Variants in FBXL6 observed in about 807,000 individuals in gnomAD.
FBXL6 encodes F-box/LRR-repeat protein 6.
FBXL6 carries 50 observed loss-of-function variants against 53.3 expected under a neutral mutation model. The ratio of observed to expected loss-of-function variants is 0.94; its 90% confidence interval spans 0.75 to 1.19. The LOEUF is 1.19. Among genes scored for constraint, FBXL6 ranks in the 50% most tolerant of loss-of-function variants. The pLI, the probability that FBXL6 is intolerant of heterozygous loss-of-function variation, is 0.00. For missense variants in FBXL6, 815 were observed against 719.0 expected (o/e 1.13, Z -1.53); for synonymous variants, 405 against 322.9 (o/e 1.25, Z -2.73).
Position 144,356,607 on chromosome 8 carries a change from T to G in FBXL6, c.986A>C (p.Gln329Pro), listed in dbSNP as rs782317106. 4 of 1,612,836 alleles carry G rather than the reference T, an allele frequency of 2.5e-6. No individual in the cohort carries two copies. The East Asian group carries it at 8.9e-5, about 36-fold the overall frequency. The part of the protein sequence containing the change: ...PVEALQKGCP[Q>P]LQVLRLLNLM... ...AGGCAGGGCGCCAGGTACCTGGAGC[T>G]GAGGGCAGCCTTTCTGCAGAGCCTC... is the stretch of plus-strand genomic sequence containing the variant. The change falls in exon 6 of 9, where the codon CAG (glutamine) becomes CCG (proline). Residue 329 changes from glutamine (Q) to proline (P), a missense_variant. Gln to Pro is a moderately conservative substitution (Grantham distance 76). Transcript: ENST00000331890.
In FBXL6 at chr8:144,355,662, A is replaced by C; in HGVS notation, c.1489T>G (p.Cys497Gly). ...AGGTTGAGGTAGAGCAGGCCCGGGC[A>C]GCCGCTGATCACAGAGCTGTGGGGA... The part of the protein sequence containing the change: ...PSTVSSVISG[C>G]PGLLYLNLES... The change falls in exon 9 of 9, where the codon TGC becomes GGC. Residue 497 changes from cysteine (C) to glycine (G), a missense_variant. Coordinates refer to ENST00000331890, the MANE Select transcript of FBXL6 (RefSeq NM_012162.4). 6.2e-7 allele frequency: 1 copy of C among 1,610,914 alleles called. No individual in the cohort carries two copies.
Position 144,357,420 on chromosome 8 carries a change from G to T in FBXL6, c.639+19C>A. ...CCAGAGTGTCACAGCTGATGTGCAG[G>T]ACAGCCTGGAGCTCTCACCTTCAAC... On this transcript the variant is annotated intron_variant, in intron 3 of 8. Coordinates refer to ENST00000331890, the MANE Select transcript of FBXL6 (RefSeq NM_012162.4). 27 of 1,608,156 alleles carry T rather than the reference G, an allele frequency of 1.7e-5. No homozygotes were observed. The highest frequency in any genetic ancestry group is 2.3e-5 in the Non-Finnish European group (27 of 1,177,338).
intron 1 of FBXL6, 31 bp downstream of exon 1, chr8:144,358,001 C>A: frequency 6.4e-7 from 1 of 1,570,122 alleles, no homozygotes; most frequent in South Asian, 1.1e-5. Flanking sequence ...CAAGCCGCTA[C>A]GCTCGGCGGC....
Position 144,355,541 on chromosome 8 carries a change from G to T in FBXL6, c.1610C>A (p.Ser537Ter), listed in dbSNP as rs373278742. The change falls in exon 9 of 9, where the codon TCA becomes TAA. Residue 537 changes from serine (S) to a stop codon, truncating the protein, a stop_gained. Coordinates refer to ENST00000331890, the MANE Select transcript of FBXL6 (RefSeq NM_012162.4). LOFTEE classifies it high-confidence loss of function. ...CAGGTCTGTGGCTGCCTAGCTGGGTGAGGGGCTGGTGAGCAGCTGCTCCAG... is the reference window on the plus strand; with the variant it reads ...CAGGTCTGTGGCTGCCTAGCTGGGTTAGGGGCTGGTGAGCAGCTGCTCCAG... ...WCLEQLLTSP[S>*]PS is the part of the protein sequence containing the mutation. 80 of 1,609,548 alleles carry T rather than the reference G, an allele frequency of 5.0e-5. No individual in the cohort carries two copies. The African/African-American group carries it at 8.9e-4, about 18-fold the overall frequency.
chr8:144,357,294 A>C, intron 3 of FBXL6, 145 bp downstream of exon 3: 2 of 1,249,328 alleles, frequency 1.6e-6, no homozygotes, highest in Non-Finnish European at 2.2e-6. Context: ...CTGCTGGAGG[A>C]AACAGCAGGA....
chr8:144,356,749 C>T (rs144139611), intron 5 of FBXL6, 36 bp from the exon 6 acceptor site: 1 of 1,611,282 alleles, frequency 6.2e-7, no homozygotes, highest in Non-Finnish European at 8.5e-7. Flanking sequence ...GTCACAGGGT[C>T]AGTGGCCTGG....
At position 144,356,622 on chromosome 8, in the gene FBXL6, T is replaced by C. The variant is rs1426660310; in HGVS notation, c.971A>G (p.Gln324Arg). The part of the protein sequence containing the change: ...IPLQLPVEAL[Q>R]KGCPQLQVLR... ...TACCTGGAGCTGAGGGCAGCCTTTCTGCAGAGCCTCGACAGGCAGCTGAAG... is the reference window on the plus strand; with the variant it reads ...TACCTGGAGCTGAGGGCAGCCTTTCCGCAGAGCCTCGACAGGCAGCTGAAG... The change falls in exon 6 of 9, where the codon CAG (glutamine) becomes CGG (arginine). Residue 324 changes from glutamine to arginine, a missense_variant. Physicochemically the swap from Gln to Arg is conservative, Grantham distance 43 (BLOSUM62 1). Transcript: ENST00000331890. 2 of 1,612,828 alleles carry C rather than the reference T, an allele frequency of 1.2e-6. No homozygotes were observed. The highest frequency in any genetic ancestry group is 1.7e-6 in the Non-Finnish European group (2 of 1,179,976).
At chr8:144,356,561 G>A (rs1554852840) in intron 6 of FBXL6, 30 bp from the exon 7 acceptor site, 5 of 1,612,770 alleles carry the variant, frequency 3.1e-6, no homozygotes, top group South Asian at 1.1e-5. Context: ...TGTAGATGGG[G>A]GAGGGTGTGA....
chr8:144,358,029 T>C lies in FBXL6; in HGVS notation c.416+3A>G. On this transcript the variant is annotated splice_donor_region_variant and intron_variant, in intron 1 of 8. Coordinates refer to ENST00000331890, the MANE Select transcript of FBXL6 (RefSeq NM_012162.4). ...TCGGCGGCGGGCCCGGCACCAGCGTTACCTGCCCAGGAAGGGCATGGGGCC... is the reference window on the plus strand; with the variant it reads ...TCGGCGGCGGGCCCGGCACCAGCGTCACCTGCCCAGGAAGGGCATGGGGCC... The C allele has an allele frequency of 6.3e-7, 1 of 1,590,934 alleles. No homozygotes were observed. Among genetic ancestry groups the C allele is most frequent in the Non-Finnish European group, 8.5e-7 (1 of 1,174,054 alleles).
At position 144,356,559 on chromosome 8, in the gene FBXL6, G is replaced by A. The variant is rs374107270; in HGVS notation, c.994-28C>T. ...GGGGGCAAGGTCCAGGCTGTAGATGGGGGAGGGTGTGACAGGTGGGAGAGG... is the reference window on the plus strand; with the variant it reads ...GGGGGCAAGGTCCAGGCTGTAGATGAGGGAGGGTGTGACAGGTGGGAGAGG... On this transcript the variant is annotated intron_variant, in intron 6 of 8. Transcript: ENST00000331890. 1.8e-4 allele frequency: 283 copies of A among 1,612,692 alleles called. 6 individuals carry two copies. In the South Asian group the frequency reaches 3.0e-3, roughly 17 times the overall value.
At chr8:144,355,734 A>C in intron 8 of FBXL6, 56 bp from the exon 9 acceptor site, 1 of 1,592,760 alleles carries the variant, frequency 6.3e-7, no homozygotes, top group East Asian at 2.3e-5. Flanking sequence ...GGGCTGGGCC[A>C]GGCTAGGGAG....
rs1301671749 is a variant in FBXL6 at position 144,355,441 on chromosome 8, GTTTTA to G, written c.*85_*89del. ...CCACACACACAGAACTCCTAAAAAT[GTTTTA>G]TTTTAACAAAATGCTCAAATATCTG... is the stretch of plus-strand genomic sequence containing the variant. On this transcript the variant is annotated 3_prime_UTR_variant, in exon 9 of 9. Coordinates refer to ENST00000331890, the MANE Select transcript of FBXL6 (RefSeq NM_012162.4). 1.9e-5 allele frequency: 30 copies of G among 1,551,562 alleles called. No homozygotes were observed. The highest frequency in any genetic ancestry group is 4.5e-5 in the East Asian group (2 of 44,198).
In FBXL6 at chr8:144,356,089, C is replaced by T. The variant is rs142643719; in HGVS notation, c.1351G>A (p.Gly451Arg). 23 of 1,612,994 alleles carry T rather than the reference C, an allele frequency of 1.4e-5. No homozygotes were observed. In the African/African-American group the frequency reaches 2.7e-4, roughly 19 times the overall value. ...TGCTCCAGGTCCTTCTCACTGAACC[C>T]CTGGCCACTCAAGTCCAGTTCTCGC... is the stretch of plus-strand genomic sequence containing the variant. ...TLRELDLSGQ[G>R]FSEKDLEQAL... The change falls in exon 8 of 9, where the codon GGG becomes AGG. Residue 451 changes from glycine (G) to arginine (R), a missense_variant. Transcript: ENST00000331890.
chr8:144,357,932 C>T, intron 1 of FBXL6, 100 bp downstream of exon 1: 1 of 1,450,760 alleles, frequency 6.9e-7, no homozygotes, highest in East Asian at 2.6e-5. Context: ...GAGCGGTGCG[C>T]GCTCCGATGC....
At position 144,356,365 on chromosome 8, in the gene FBXL6, CGCA is replaced by C; in HGVS notation, c.1157_1159del (p.Leu386del). ...CGCACAGCCACGAAGATCCAGTAAG[CGCA>C]GGTTGGGAGAGCCGTGGAGTAGGCG... On this transcript the variant is annotated inframe_deletion, in exon 7 of 9. Coordinates refer to ENST00000331890, the MANE Select transcript of FBXL6 (RefSeq NM_012162.4). 1 of 1,605,682 alleles carries C rather than the reference CGCA, an allele frequency of 6.2e-7. No homozygotes were observed. Among genetic ancestry groups the C allele is most frequent in the South Asian group, 1.1e-5 (1 of 91,058 alleles).
Position 144,356,219 on chromosome 8 carries a change from A to G in FBXL6, c.1226-5T>C, listed in dbSNP as rs202069246. 3 of 1,256,498 alleles carry G rather than the reference A, an allele frequency of 2.4e-6. No individual in the cohort carries two copies. The African/African-American group carries it at 7.0e-5, about 29-fold the overall frequency. The allele number at this position is 1,256,498 out of a possible 1,614,324, so 77.8% of individuals were successfully genotyped here. On this transcript the variant is annotated splice_region_variant and splice_polypyrimidine_tract_variant and intron_variant, in intron 7 of 8. Transcript: ENST00000331890. The stretch of plus-strand genomic sequence containing the variant: ...CCAGATGAAGCTGCTCCAGCTCTGC[A>G]GTGAAAGGAGTGAGCATAAGCTACA...
rs782203551 is a variant in FBXL6, at chr8:144,356,543, G to T, written c.994-12C>A. 1 of 1,612,792 alleles carries T rather than the reference G, an allele frequency of 6.2e-7. No homozygotes were observed. The highest frequency in any genetic ancestry group is 1.3e-5 in the African/African-American group (1 of 74,942). ...AACAGCCGCAGCACCTGGGGGCAAG[G>T]TCCAGGCTGTAGATGGGGGAGGGTG... On this transcript the variant is annotated splice_polypyrimidine_tract_variant and intron_variant, in intron 6 of 8. Coordinates refer to ENST00000331890, the MANE Select transcript of FBXL6 (RefSeq NM_012162.4).
rs782526062 is a variant in FBXL6 at position 144,357,102 on chromosome 8, G to A, written c.659C>T (p.Pro220Leu). The change falls in exon 4 of 9, where the codon CCT becomes CTT. Residue 220 changes from proline (P) to leucine (L), a missense_variant. By Grantham distance (98) the Pro-to-Leu change is moderately conservative. Transcript: ENST00000331890. ...GGAGAGCTTGAGGAAAGTGAGCCGA[G>A]GACAGCACTCACCTACCAGCTGCGG... is the stretch of plus-strand genomic sequence containing the variant. ...PVLKLVGECC[P>L]RLTFLKLSGC... The A allele has an allele frequency of 5.6e-6, 9 of 1,612,932 alleles. No individual in the cohort carries two copies. Among genetic ancestry groups the A allele is most frequent in the Non-Finnish European group, 7.6e-6 (9 of 1,180,020 alleles).
At position 144,356,186 on chromosome 8, in the gene FBXL6, A is replaced by G. The variant is rs782088727; in HGVS notation, c.1254T>C (p.Tyr418=). 1 of 1,507,244 alleles carries G rather than the reference A, an allele frequency of 6.6e-7. No individual in the cohort carries two copies. Among genetic ancestry groups the G allele is most frequent in the South Asian group, 1.1e-5 (1 of 87,970 alleles). The allele number at this position is 1,507,244 out of a possible 1,614,324, so 93.4% of individuals were successfully genotyped here. The change falls in exon 8 of 9, where the codon TAT becomes TAC. Residue 418 remains tyrosine (Y), a synonymous_variant. Coordinates refer to ENST00000331890, the MANE Select transcript of FBXL6 (RefSeq NM_012162.4). The part of the protein sequence containing the change: ...RELEQLHLGL[Y]GTSDRLTLAK... ...CTAGAGTCAGCCGGTCTGACGTGCC[A>G]TACAGGCCCAGATGAAGCTGCTCCA...
Sources: gnomAD v4.1 joint callset for allele counts on GRCh38, gnomAD v4.1.1 for gene constraint, MANE v1.5 for transcripts, NCBI Gene and HGNC (gene_info 2026-07-23, HGNC 2026-07-21) for gene names.